The following ZC3H12B variants were observed in gnomAD, a reference collection of about 807,000 sequenced individuals.
ZC3H12B encodes the protein probable ribonuclease ZC3H12B.
ZC3H12B carries 7 observed loss-of-function variants against 43.9 expected under a neutral mutation model. The observed-to-expected ratio is 0.16, with a 90% confidence interval of 0.09 to 0.30. ZC3H12B has a LOEUF of 0.30. Among genes scored for constraint, ZC3H12B ranks in the 10% least tolerant of loss-of-function variants. ZC3H12B has a pLI of 1.00. For synonymous variants in ZC3H12B, 222 were observed against 241.7 expected (o/e 0.92, Z 0.76); for missense variants, 475 against 670.2 (o/e 0.71, Z 3.22).
the ZC3H12B span, among the ~76,000 whole-genome samples, chrX:65,322,079 C>G: frequency 1.8e-5 from 2 of 111,512 alleles, no homozygotes; most frequent in Admixed American, 1.9e-4. Flanking sequence ...AGCATGTCAC[C>G]AACATCTTTT....
At chrX:65,116,691 A>T in the ZC3H12B span, among the ~76,000 whole-genome samples, 2 of 109,851 alleles carry the variant, frequency 1.8e-5, no homozygotes, top group African/African-American at 6.6e-5. Context: ...CATTAGGTAT[A>T]TCTCCTAATG....
chrX:65,448,316 C>T (rs1246303023), intron 3 of ZC3H12B, among the ~76,000 whole-genome samples: 2 of 111,665 alleles, frequency 1.8e-5, no homozygotes, highest in East Asian at 5.6e-4. Flanking sequence ...ATTATAACCT[C>T]TATGGAAAAT....
chrX:65,117,390 C>A, the ZC3H12B span, among the ~76,000 whole-genome samples: 1,229 of 111,761 alleles, frequency 0.011, 6 homozygotes, highest in Non-Finnish European at 0.017. Context: ...ATCCTTCGCC[C>A]ACTTTTTGAT....
chrX:65,344,379 AC>A, the ZC3H12B span, among the ~76,000 whole-genome samples: 1 of 111,889 alleles, frequency 8.9e-6, no homozygotes, highest in Non-Finnish European at 1.9e-5. Context: ...AGACACATAG[AC>A]CAATGGAACA....
intron 3 of ZC3H12B, among the ~76,000 whole-genome samples, chrX:65,465,014 A>T (rs1365706186): frequency 9.0e-6 from 1 of 111,083 alleles, no homozygotes; most frequent in Non-Finnish European, 1.9e-5. Context: ...TTTTAAATTT[A>T]TTGAGGCTTA....
At chrX:65,215,477 T>C in the ZC3H12B span, among the ~76,000 whole-genome samples, 2 of 110,480 alleles carry the variant, frequency 1.8e-5, no homozygotes, top group Non-Finnish European at 3.8e-5. Flanking sequence ...ATGAATCAAC[T>C]TCTGCTTGCT....
the ZC3H12B span, among the ~76,000 whole-genome samples, chrX:65,089,419 A>G: frequency 8.9e-6 from 1 of 111,786 alleles, no homozygotes; most frequent in Non-Finnish European, 1.9e-5. Context: ...TAAAAATGGT[A>G]CTTCTGTATA....
the ZC3H12B span, among the ~76,000 whole-genome samples, chrX:65,354,245 C>T: frequency 7.2e-5 from 8 of 111,818 alleles, no homozygotes; most frequent in Admixed American, 7.6e-4. Context: ...CCCTTTAGTA[C>T]AAAGCTTCCA....
chrX:65,327,681 G>T, the ZC3H12B span, among the ~76,000 whole-genome samples: 1 of 111,551 alleles, frequency 9.0e-6, no homozygotes, highest in African/African-American at 3.3e-5. Context: ...AAAGGGCATA[G>T]TGTCAAAGGA....
the ZC3H12B span, among the ~76,000 whole-genome samples, chrX:65,134,545 A>T: frequency 4.5e-5 from 5 of 111,558 alleles, no homozygotes; most frequent in Non-Finnish European, 9.4e-5. Flanking sequence ...GAGAGGCTGG[A>T]GAAGAGAGTG....
chrX:65,429,638 C>G (rs1337654955), intron 3 of ZC3H12B, among the ~76,000 whole-genome samples: 1 of 112,145 alleles, frequency 8.9e-6, no homozygotes, highest in African/African-American at 3.2e-5. Context: ...GTCAACCAAA[C>G]TGAAGAGACT....
At chrX:65,123,374 G>T in the ZC3H12B span, among the ~76,000 whole-genome samples, 5 of 111,301 alleles carry the variant, frequency 4.5e-5, no homozygotes, top group African/African-American at 1.6e-4. Context: ...CAAGGATATT[G>T]TTCTAAAATT....
At chrX:65,303,746 T>C in the ZC3H12B span, among the ~76,000 whole-genome samples, 1 of 112,599 alleles carries the variant, frequency 8.9e-6, no homozygotes, top group East Asian at 2.8e-4. Context: ...TATTTCTATA[T>C]ACCAGCAATA....
chrX:65,087,375 A>G, the ZC3H12B span, among the ~76,000 whole-genome samples: 157 of 112,474 alleles, frequency 1.4e-3, 1 homozygote, highest in African/African-American at 5.0e-3. Flanking sequence ...TAAAGTTGGC[A>G]GTTTCCCAAG....
the ZC3H12B span, among the ~76,000 whole-genome samples, chrX:65,273,936 G>A: frequency 8.9e-6 from 1 of 112,388 alleles, no homozygotes; most frequent in African/African-American, 3.2e-5. Context: ...TACCCAAGAA[G>A]GGAACACAGC....
At chrX:65,317,073 G>A in the ZC3H12B span, among the ~76,000 whole-genome samples, 1 of 110,602 alleles carries the variant, frequency 9.0e-6, no homozygotes, top group Non-Finnish European at 1.9e-5. Flanking sequence ...ATGGTAAGGG[G>A]GTAAATTAAA....
the ZC3H12B span, among the ~76,000 whole-genome samples, chrX:65,358,533 T>C: frequency 9.0e-6 from 1 of 111,374 alleles, no homozygotes; most frequent in Non-Finnish European, 1.9e-5. Context: ...AGAAACTCAC[T>C]CAAAACCGCA....
At chrX:65,401,059 T>C (rs1015710398) in intron 3 of ZC3H12B, among the ~76,000 whole-genome samples, 2 of 104,945 alleles carry the variant, frequency 1.9e-5, no homozygotes, top group Non-Finnish European at 3.8e-5. Context: ...CGCAAGGACA[T>C]CAATTTAATT....
At chrX:65,458,922 C>G (rs2067682518) in intron 3 of ZC3H12B, among the ~76,000 whole-genome samples, 1 of 110,948 alleles carries the variant, frequency 9.0e-6, no homozygotes, top group African/African-American at 3.3e-5. Context: ...AATCCAGGAG[C>G]TGGTTTTTTG....
Sources: gnomAD v4.1 joint callset for allele counts (sites outside exome capture counted in the v4.1 genomes callset) on GRCh38, gnomAD v4.1.1 for gene constraint, MANE v1.5 for transcripts, NCBI Gene and HGNC (gene_info 2026-07-23, HGNC 2026-07-21) for gene names.